The following CUX1 variants were observed in gnomAD, a reference collection of about 807,000 sequenced individuals.
The protein encoded by CUX1 is cut like homeobox 1.
A neutral mutation model predicts 158.8 loss-of-function variants in CUX1; 31 were observed. That is an observed-to-expected ratio of 0.20 (90% CI 0.15 to 0.26). CUX1 has a LOEUF of 0.26. Ranked by LOEUF, CUX1 falls within the 10% of genes least tolerant of loss-of-function variation. The pLI is 1.00. For missense variants in CUX1, 1,589 were observed against 2,014.6 expected (o/e 0.79, Z 4.04); for synonymous variants, 879 against 862.1 (o/e 1.02, Z -0.34).
At chr7:102,206,179 C>T (rs1207612970) in intron 20 of CUX1, among the ~76,000 whole-genome samples, 1 of 152,162 alleles carries the variant, frequency 6.6e-6, no homozygotes, top group Non-Finnish European at 1.5e-5. Flanking sequence ...CATACAGATG[C>T]AGCCGGGGCA....
At chr7:101,992,955 C>T (rs1375607579) in intron 2 of CUX1, among the ~76,000 whole-genome samples, 1 of 152,304 alleles carries the variant, frequency 6.6e-6, no homozygotes, top group East Asian at 1.9e-4. Context: ...GGGCCCTGGT[C>T]ATTCTGCTGC....
At chr7:102,217,617 G>A (rs932400557) in intron 20 of CUX1, among the ~76,000 whole-genome samples, 2 of 151,904 alleles carry the variant, frequency 1.3e-5, no homozygotes, top group East Asian at 1.9e-4. Context: ...GGATGGATGC[G>A]ATGGTGTCTA....
chr7:102,201,690 G>A lies in CUX1; in HGVS notation c.2393G>A (p.Gly798Glu). The change falls in exon 18 of 24, where the codon GGA (glycine) becomes GAA (glutamate). Residue 798 changes from glycine to glutamate, a missense_variant. Gly to Glu is a moderately conservative substitution (Grantham distance 98). Around this residue, in one of 8 missense-constraint regions of CUX1, gnomAD observed 337 missense variants for 409.3 expected, o/e 0.82. Coordinates refer to ENST00000292535, the MANE Select transcript of CUX1 (RefSeq NM_181552.4). This position sits in a 1 kb window ranked among gnomAD's most constrained non-coding sequence, Gnocchi z 5.0. ...GACGCCCCCGGGCTGGACCCCCAGG[G>A]AGCAGCCGATTGTGCACAAGGGGTC... ...AQDAPGLDPQ[G>E]AADCAQGVLR... 6.2e-7 allele frequency: 1 copy of A among 1,612,658 alleles called. No individual in the cohort carries two copies. The highest frequency in any genetic ancestry group is 8.5e-7 in the Non-Finnish European group (1 of 1,179,858).
chr7:102,000,110 G>A (rs1223845150), intron 2 of CUX1, among the ~76,000 whole-genome samples: 1 of 152,144 alleles, frequency 6.6e-6, no homozygotes, highest in African/African-American at 2.4e-5. Flanking sequence ...CAGTTACTCA[G>A]AAGGCTGAGG....
At chr7:101,820,758 G>A (rs1365890426) in intron 1 of CUX1, among the ~76,000 whole-genome samples, 7 of 152,166 alleles carry the variant, frequency 4.6e-5, no homozygotes, top group African/African-American at 1.7e-4. Flanking sequence ...ACAAAACCCG[G>A]AAGAATTGTT....
At chr7:102,143,274 T>G (rs2131412358) in intron 8 of CUX1, among the ~76,000 whole-genome samples, 1 of 152,292 alleles carries the variant, frequency 6.6e-6, no homozygotes, top group East Asian at 1.9e-4. Flanking sequence ...CTAACAATCT[T>G]TTTCTTTTTT....
At chr7:102,203,419 G>A (rs55961409) in intron 18 of CUX1, among the ~76,000 whole-genome samples, 43,869 of 151,728 alleles carry the variant, frequency 0.29, 6,700 homozygotes, top group Middle Eastern at 0.37. Flanking sequence ...AGTGTTTGCC[G>A]TATGCTGTGC....
chr7:102,013,205 G>C (rs1016074772), intron 2 of CUX1, among the ~76,000 whole-genome samples: 1 of 151,406 alleles, frequency 6.6e-6, no homozygotes, highest in Non-Finnish European at 1.5e-5. Flanking sequence ...TGGCTGAGAC[G>C]TAGATCAAGA....
At chr7:102,050,794 C>T (rs944552347) in intron 3 of CUX1, among the ~76,000 whole-genome samples, 13 of 151,900 alleles carry the variant, frequency 8.6e-5, no homozygotes, top group African/African-American at 4.8e-5. Context: ...CCTCAAATTC[C>T]CGGGCTCAAG....
At chr7:102,167,493 C>T (rs1208558003) in intron 9 of CUX1, among the ~76,000 whole-genome samples, 2 of 152,160 alleles carry the variant, frequency 1.3e-5, no homozygotes, top group African/African-American at 4.8e-5. Flanking sequence ...ACTTCAGAGC[C>T]AGTGTTACAA....
intron 14 of CUX1, among the ~76,000 whole-genome samples, chr7:102,267,141 T>C (rs1279462410): frequency 2.6e-5 from 4 of 151,054 alleles, no homozygotes; most frequent in African/African-American, 9.7e-5. Context: ...CAGGGAGGGG[T>C]GGATGAGGCA....
chr7:101,913,304 C>G, intron 1 of CUX1: 1 of 1,187,356 alleles, frequency 8.4e-7, no homozygotes, highest in Non-Finnish European at 1.1e-6. Context: ...AATTTGGAGA[C>G]CCCCGTGGGT....
chr7:102,190,310 C>A (rs1794137878), intron 12 of CUX1, among the ~76,000 whole-genome samples: 1 of 152,220 alleles, frequency 6.6e-6, no homozygotes. Flanking sequence ...TATTCTCCAT[C>A]TGTGAGGCTG....
At chr7:101,874,727 G>A (rs904849038) in intron 1 of CUX1, among the ~76,000 whole-genome samples, 3 of 152,160 alleles carry the variant, frequency 2.0e-5, no homozygotes, top group Admixed American at 2.0e-4. Context: ...GGAAACAGAT[G>A]GGGAATCTGT....
intron 5 of CUX1, among the ~76,000 whole-genome samples, chr7:102,098,324 A>T (rs1364596478): frequency 2.0e-5 from 3 of 152,210 alleles, no homozygotes; most frequent in Non-Finnish European, 4.4e-5. Context: ...ATAAAGAGTT[A>T]ATTGGGGCCA....
intron 1 of CUX1, among the ~76,000 whole-genome samples, chr7:101,879,759 G>A (rs527641472): frequency 7.2e-5 from 11 of 152,388 alleles, no homozygotes; most frequent in Non-Finnish European, 1.5e-4. Flanking sequence ...CCTTGGTGGA[G>A]CTCCAGCATT....
chr7:102,255,340 C>T lies in CUX1; in HGVS notation c.*6298C>T. 1 of 982,694 alleles carries T rather than the reference C, an allele frequency of 1.0e-6. No homozygotes were observed. Among genetic ancestry groups the T allele is most frequent in the Non-Finnish European group, 1.2e-6 (1 of 829,608 alleles). The allele number at this position is 982,694 out of a possible 1,614,324, so 60.9% of individuals were successfully genotyped here. A position where few individuals can be genotyped will look rare whatever the true frequency, so the allele number is the denominator to read the frequency against. On this transcript the variant is annotated 3_prime_UTR_variant, in exon 24 of 24. Transcript: ENST00000292535. ...ACATTTCCAAAGCGCCTAGTCTCCT[C>T]CAAAATGCTAACTTTAAAAGTTGGG... is the stretch of plus-strand genomic sequence containing the variant.
chr7:102,218,509 C>A (rs1275756910), intron 20 of CUX1, among the ~76,000 whole-genome samples: 1 of 151,826 alleles, frequency 6.6e-6, no homozygotes, highest in Non-Finnish European at 1.5e-5. Flanking sequence ...CATAGTGAGA[C>A]CCTATCTCGA....
chr7:101,836,681 T>C (rs1327775767), intron 1 of CUX1, among the ~76,000 whole-genome samples: 1 of 85,692 alleles, frequency 1.2e-5, no homozygotes, highest in Admixed American at 1.1e-4. Context: ...CGAGACTCCT[T>C]CTCAAAAAAA....
Sources: allele counts gnomAD v4.1 joint callset (sites outside exome capture counted in the v4.1 genomes callset), GRCh38; gene constraint gnomAD v4.1.1; regional missense constraint gnomAD v4.1.1; non-coding constraint Gnocchi (gnomAD v3.1); transcripts MANE v1.5; gene names NCBI Gene and HGNC (gene_info 2026-07-23, HGNC 2026-07-21).